The following ANKS1B variants were observed in gnomAD, a reference collection of about 807,000 sequenced individuals.
ANKS1B encodes ankyrin repeat and sterile alpha motif domain containing 1B, also known as ankyrin repeat and sterile alpha motif domain-containing protein 1B.
ANKS1B carries 36 observed loss-of-function variants against 148.3 expected under a neutral mutation model. The ratio of observed to expected loss-of-function variants is 0.24; its 90% CI spans 0.19 to 0.32. ANKS1B has a LOEUF of 0.32. Ranked by LOEUF, ANKS1B falls within the 10% of genes least tolerant of loss-of-function variation. The pLI, the probability that ANKS1B is intolerant of heterozygous loss-of-function variation, is 1.00. For missense variants in ANKS1B, 1,157 were observed against 1,542.6 expected (o/e 0.75, Z 4.19); for synonymous variants, 542 against 560.8 (o/e 0.97, Z 0.47).
intron 1 of ANKS1B, among the ~76,000 whole-genome samples, chr12:99,954,905 C>CA (rs2095292142): frequency 1.3e-5 from 2 of 152,158 alleles, no homozygotes. Flanking sequence ...ATAAATAGGT[C>CA]AACAACGAAA....
intron 1 of ANKS1B, among the ~76,000 whole-genome samples, chr12:99,923,133 A>G (rs1355792930): frequency 6.6e-6 from 1 of 152,210 alleles, no homozygotes; most frequent in Non-Finnish European, 1.5e-5. Flanking sequence ...CTCACCTAAT[A>G]TGGCTTCAGC....
intron 9 of ANKS1B, among the ~76,000 whole-genome samples, chr12:99,608,949 G>A (rs1486413930): frequency 6.6e-6 from 1 of 152,042 alleles, no homozygotes; most frequent in Non-Finnish European, 1.5e-5. Flanking sequence ...AGGAGCAGAA[G>A]AAATGGAAAG....
chr12:99,547,407 C>T (rs2097181006), intron 9 of ANKS1B, among the ~76,000 whole-genome samples: 1 of 151,916 alleles, frequency 6.6e-6, no homozygotes, highest in Non-Finnish European at 1.5e-5. Context: ...ACCCCTAATT[C>T]ATAAAAAAGA....
At chr12:99,236,927 C>A (rs555229987) in intron 14 of ANKS1B, among the ~76,000 whole-genome samples, 74 of 152,096 alleles carry the variant, frequency 4.9e-4, no homozygotes, top group Non-Finnish European at 3.8e-4. Flanking sequence ...CAGAGGGGAA[C>A]AACACACGCT....
chr12:99,616,024 T>A (rs1195701223), intron 9 of ANKS1B, among the ~76,000 whole-genome samples: 1 of 151,962 alleles, frequency 6.6e-6, no homozygotes, highest in Non-Finnish European at 1.5e-5. Context: ...AAATCATGAG[T>A]GAACTCCGAT....
chr12:98,807,390 C>G (rs2099058866), intron 20 of ANKS1B, among the ~76,000 whole-genome samples: 1 of 152,098 alleles, frequency 6.6e-6, no homozygotes, highest in African/African-American at 2.4e-5. Flanking sequence ...GCAAATCATA[C>G]TCAGAAATTT....
chr12:98,736,552 T>C (rs1032595094), intron 9 of ANKS1B, among the ~76,000 whole-genome samples: 2 of 152,086 alleles, frequency 1.3e-5, no homozygotes, highest in Non-Finnish European at 2.9e-5. Flanking sequence ...CTGGAGTTCA[T>C]GGGAAAGCTC....
intron 5 of ANKS1B, among the ~76,000 whole-genome samples, chr12:99,781,617 C>T (rs1274934016): frequency 6.6e-6 from 1 of 152,184 alleles, no homozygotes; most frequent in African/African-American, 2.4e-5. Flanking sequence ...GAACTCAAAT[C>T]TCTGTTTACC....
At chr12:99,248,246 G>A (rs1408174058) in intron 12 of ANKS1B, among the ~76,000 whole-genome samples, 3 of 152,152 alleles carry the variant, frequency 2.0e-5, no homozygotes, top group Non-Finnish European at 2.9e-5. Flanking sequence ...GTGAAGATTG[G>A]CCCCAGGTGT....
At chr12:99,786,122 T>C (rs1288775610) in intron 4 of ANKS1B, among the ~76,000 whole-genome samples, 1 of 152,240 alleles carries the variant, frequency 6.6e-6, no homozygotes, top group African/African-American at 2.4e-5. Flanking sequence ...TTTGATTCCC[T>C]TACACTTTTC....
chr12:99,444,831 A>C (rs991395459), intron 10 of ANKS1B, among the ~76,000 whole-genome samples: 1 of 152,156 alleles, frequency 6.6e-6, no homozygotes, highest in South Asian at 2.1e-4. Context: ...TTTTTTATAG[A>C]CCAGGAAGTT....
intron 16 of ANKS1B, among the ~76,000 whole-genome samples, chr12:99,068,940 C>T (rs1382155108): frequency 6.6e-6 from 1 of 152,170 alleles, no homozygotes; most frequent in Non-Finnish European, 1.5e-5. Flanking sequence ...GCATTTAGCT[C>T]TTCTCTCCTC....
At chr12:99,004,483 G>A (rs2099934949) in intron 17 of ANKS1B, among the ~76,000 whole-genome samples, 1 of 152,160 alleles carries the variant, frequency 6.6e-6, no homozygotes, top group Non-Finnish European at 1.5e-5. Flanking sequence ...CTCTTAATAA[G>A]TCTTAGATGA....
intron 12 of ANKS1B, among the ~76,000 whole-genome samples, chr12:99,287,003 C>T (rs2079215683): frequency 6.6e-6 from 1 of 152,184 alleles, no homozygotes; most frequent in African/African-American, 2.4e-5. Flanking sequence ...GGGCATAAAC[C>T]TGGCTACATT....
chr12:99,482,542 A>T (rs2096428516), intron 10 of ANKS1B, among the ~76,000 whole-genome samples: 1 of 151,898 alleles, frequency 6.6e-6, no homozygotes, highest in African/African-American at 2.4e-5. Flanking sequence ...GAATTTTAGA[A>T]TGGTTTTTTA....
intron 8 of ANKS1B, among the ~76,000 whole-genome samples, chr12:99,750,304 G>A (rs1387079722): frequency 6.6e-6 from 1 of 151,874 alleles, no homozygotes; most frequent in Admixed American, 6.6e-5. Context: ...ATATTCCTAG[G>A]AAAAAAGTAA....
intron 11 of ANKS1B, among the ~76,000 whole-genome samples, chr12:99,411,666 C>T (rs1319673801): frequency 6.6e-6 from 1 of 151,964 alleles, no homozygotes; most frequent in Non-Finnish European, 1.5e-5. Flanking sequence ...ATTATTTATC[C>T]ACTGATTTGA....
At chr12:99,487,738 C>T (rs2152956569) in intron 10 of ANKS1B, among the ~76,000 whole-genome samples, 1 of 151,982 alleles carries the variant, frequency 6.6e-6, no homozygotes, top group African/African-American at 2.4e-5. Flanking sequence ...CCACAATGAC[C>T]TAATAAGTGG....
chr12:99,460,223 T>C (rs1041228050), intron 10 of ANKS1B, among the ~76,000 whole-genome samples: 2 of 152,118 alleles, frequency 1.3e-5, no homozygotes, highest in African/African-American at 4.8e-5. Context: ...CGTAAAAGAA[T>C]GAAACTGGAT....
Sources: gnomAD v4.1 joint callset for allele counts (sites outside exome capture counted in the v4.1 genomes callset) on GRCh38, gnomAD v4.1.1 for gene constraint, MANE v1.5 for transcripts, NCBI Gene and HGNC (gene_info 2026-07-23, HGNC 2026-07-21) for gene names.